Variants in SDK1 observed in about 807,000 individuals in gnomAD.
SDK1 encodes the protein sidekick cell adhesion molecule 1, also known as protein sidekick-1.
A neutral mutation model predicts 245.5 loss-of-function variants in SDK1; 157 were observed. That is an observed-to-expected ratio of 0.64 (90% CI 0.56 to 0.73). The LOEUF is 0.73. Among genes scored for constraint, SDK1 ranks in the 30% least tolerant of loss-of-function variants. SDK1 has a pLI of 0.00. For synonymous variants in SDK1, 1,647 were observed against 1,278.5 expected (o/e 1.29, Z -6.15); for missense variants, 3,583 against 3,002.3 (o/e 1.19, Z -4.52).
chr7:3,539,951 C>T (rs942056185), intron 1 of SDK1, among the ~76,000 whole-genome samples: 2 of 152,232 alleles, frequency 1.3e-5, no homozygotes, highest in Non-Finnish European at 2.9e-5. Flanking sequence ...GGCATAATGA[C>T]ATACCTCCTA....
intron 14 of SDK1, among the ~76,000 whole-genome samples, chr7:3,989,237 G>A (rs1784107176): frequency 6.6e-6 from 1 of 152,212 alleles, no homozygotes; most frequent in Non-Finnish European, 1.5e-5. Context: ...GGTGGAAGGT[G>A]AAAGTCATGT....
chr7:4,091,334 C>CTTTTCTTTTTTTTTTTTTTT (rs1259034611), intron 22 of SDK1, among the ~76,000 whole-genome samples: 2 of 108,260 alleles, frequency 1.8e-5, no homozygotes, highest in African/African-American at 4.1e-5. Context: ...CTTTTCTTTT[C>CTTTTCTTTTTTTTTTTTTTT]TTTTTTTTTT....
At chr7:4,069,934 G>A (rs969882968) in intron 20 of SDK1, among the ~76,000 whole-genome samples, 15 of 152,200 alleles carry the variant, frequency 9.9e-5, no homozygotes, top group African/African-American at 3.6e-4. Flanking sequence ...CCTCTGCAGC[G>A]TTGATGTGGT....
chr7:3,811,701 C>T (rs1779388102), intron 4 of SDK1, among the ~76,000 whole-genome samples: 1 of 152,324 alleles, frequency 6.6e-6, no homozygotes, highest in Middle Eastern at 3.4e-3. Flanking sequence ...GTTGGATGTG[C>T]TGCCTGGCCG....
At chr7:3,658,176 G>C (rs1783247317) in intron 4 of SDK1, among the ~76,000 whole-genome samples, 1 of 152,180 alleles carries the variant, frequency 6.6e-6, no homozygotes, top group Non-Finnish European at 1.5e-5. Flanking sequence ...CCTCACAGGT[G>C]TTAAGAGCCC....
chr7:4,078,935 A>C (rs533762312), intron 21 of SDK1, among the ~76,000 whole-genome samples: 39 of 152,340 alleles, frequency 2.6e-4, no homozygotes, highest in African/African-American at 9.1e-4. Flanking sequence ...CCTAAGGCTC[A>C]AGACCTGATC....
intron 35 of SDK1, among the ~76,000 whole-genome samples, chr7:4,187,656 G>A (rs577567471): frequency 2.6e-5 from 4 of 152,200 alleles, no homozygotes; most frequent in Non-Finnish European, 4.4e-5. Context: ...GGTAAACTGA[G>A]ACACAAAATG....
intron 44 of SDK1, among the ~76,000 whole-genome samples, chr7:4,248,763 C>T (rs1053414611): frequency 2.6e-5 from 4 of 152,034 alleles, no homozygotes; most frequent in Non-Finnish European, 4.4e-5. Flanking sequence ...TGCATGTGCA[C>T]ACATACATCA....
At chr7:3,803,165 A>G (rs1257774763) in intron 4 of SDK1, among the ~76,000 whole-genome samples, 1 of 152,166 alleles carries the variant, frequency 6.6e-6, no homozygotes, top group Non-Finnish European at 1.5e-5. Flanking sequence ...AGGGTAGGTC[A>G]TCATGGTTTT....
chr7:3,345,956 T>A (rs1046924162), intron 1 of SDK1, among the ~76,000 whole-genome samples: 3 of 152,202 alleles, frequency 2.0e-5, no homozygotes, highest in Non-Finnish European at 4.4e-5. Flanking sequence ...GTTCTTGTTT[T>A]CTGTCTTTTA....
intron 5 of SDK1, among the ~76,000 whole-genome samples, chr7:3,837,647 G>A (rs1341909664): frequency 1.3e-5 from 2 of 152,006 alleles, no homozygotes; most frequent in African/African-American, 2.4e-5. Flanking sequence ...GGCTCTGGAA[G>A]CATTTGAGGT....
intron 4 of SDK1, among the ~76,000 whole-genome samples, chr7:3,807,836 T>C (rs1779289736): frequency 6.6e-6 from 1 of 152,220 alleles, no homozygotes; most frequent in Non-Finnish European, 1.5e-5. Flanking sequence ...CTCTGCTTCC[T>C]TTCTGTAACA....
intron 1 of SDK1, among the ~76,000 whole-genome samples, chr7:3,514,569 C>G (rs1261733592): frequency 6.6e-6 from 1 of 152,136 alleles, no homozygotes; most frequent in Non-Finnish European, 1.5e-5. Flanking sequence ...TGTGTCTCGT[C>G]ACTGTCCTAG....
At chr7:3,409,109 T>C (rs1299938995) in intron 1 of SDK1, among the ~76,000 whole-genome samples, 1 of 152,138 alleles carries the variant, frequency 6.6e-6, no homozygotes, top group Non-Finnish European at 1.5e-5. Context: ...TGGCTTTCTT[T>C]TGTGTGAGAT....
intron 17 of SDK1, among the ~76,000 whole-genome samples, chr7:4,035,245 A>G (rs947520645): frequency 2.0e-5 from 3 of 152,136 alleles, no homozygotes; most frequent in African/African-American, 7.2e-5. Flanking sequence ...TTGGCCTCTC[A>G]AAGTGCTGGG....
intron 1 of SDK1, among the ~76,000 whole-genome samples, chr7:3,503,316 A>G (rs1345978040): frequency 3.9e-5 from 6 of 152,338 alleles, no homozygotes; most frequent in South Asian, 2.1e-4. Flanking sequence ...TCAAAATGAT[A>G]CATTTTCAGC....
Position 4,012,094 on chromosome 7 carries a change from G to T in SDK1, c.2280-1G>T. The T allele has an allele frequency of 6.5e-7, 1 of 1,535,916 alleles. No homozygotes were observed. The highest frequency in any genetic ancestry group is 8.7e-7 in the Non-Finnish European group (1 of 1,144,498). ...TGTTCCTACCCGTCTTTTATTTATA[G>T]GTTGATGCTACCTGAAGAACCACCC... On this transcript the variant is annotated splice_acceptor_variant, in intron 15 of 44. Transcript: ENST00000404826. LOFTEE classifies it high-confidence loss of function.
intron 1 of SDK1, among the ~76,000 whole-genome samples, chr7:3,389,889 TA>T (rs1781704884): frequency 1.3e-5 from 2 of 152,068 alleles, no homozygotes; most frequent in Admixed American, 6.6e-5. Flanking sequence ...GGTACATGAT[TA>T]AAAAACCCCA....
intron 14 of SDK1, 128 bp from the exon 15 acceptor site, chr7:4,010,838 G>A (rs1785887754): frequency 1.1e-6 from 1 of 950,102 alleles, no homozygotes; most frequent in South Asian, 1.8e-5. Flanking sequence ...AATGGGATAA[G>A]CTTTCCTTCT....
Sources: gnomAD v4.1 joint callset for allele counts (sites outside exome capture counted in the v4.1 genomes callset) on GRCh38, gnomAD v4.1.1 for gene constraint, MANE v1.5 for transcripts, NCBI Gene and HGNC (gene_info 2026-07-23, HGNC 2026-07-21) for gene names.